Variants in TSNARE1 observed in about 807,000 individuals in gnomAD.
TSNARE1 encodes t-SNARE domain-containing protein 1.
Under a neutral mutation model 62.0 loss-of-function variants are expected in TSNARE1, and 49 were observed. The ratio of observed to expected loss-of-function variants is 0.79; its 90% CI spans 0.63 to 1.00. The LOEUF (loss-of-function observed/expected upper bound fraction) is 1.00. Ranked by LOEUF, TSNARE1 falls within the 50% of genes least tolerant of loss-of-function variation. The probability of loss-of-function intolerance (pLI) is 0.00; values close to 1 mark genes in which losing one functional copy is unlikely to be tolerated. For synonymous variants in TSNARE1, 328 were observed against 294.4 expected, an observed-to-expected ratio of 1.11 and a Z score of -1.17; for missense variants, 755 against 700.1, an observed-to-expected ratio of 1.08 and a Z score of -0.88.
intron 12 of TSNARE1, chr8:142,271,668 T>A: frequency 7.2e-7 from 1 of 1,392,884 alleles, no homozygotes; most frequent in Non-Finnish European, 9.3e-7. Flanking sequence ...CACAAGCAGC[T>A]GGGGGTCTCG....
intron 13 of TSNARE1, among the ~76,000 whole-genome samples, chr8:142,227,320 A>G (rs540706037): frequency 2.3e-4 from 29 of 126,526 alleles, no homozygotes; most frequent in African/African-American, 1.5e-3. Flanking sequence ...CCTGCCCACA[A>G]CTCCAGTGAT....
intron 1 of TSNARE1, among the ~76,000 whole-genome samples, chr8:142,373,398 C>T (rs1352754614): frequency 1.3e-5 from 2 of 152,148 alleles, no homozygotes; most frequent in Non-Finnish European, 2.9e-5. Context: ...GGAAAACACC[C>T]ACAGGGAAGG....
At chr8:142,256,208 TCACCATCACCATCACTATCACCACCAC>T (rs1818531708) in intron 12 of TSNARE1, among the ~76,000 whole-genome samples, 2 of 33,524 alleles carry the variant, frequency 6.0e-5, no homozygotes, top group African/African-American at 2.5e-4. Flanking sequence ...ACCACCACTG[TCACCATCACCATCACTATCACCACCAC>T]CACCATCACC....
intron 12 of TSNARE1, among the ~76,000 whole-genome samples, chr8:142,233,653 C>T (rs1817236790): frequency 6.6e-6 from 1 of 152,202 alleles, no homozygotes; most frequent in Non-Finnish European, 1.5e-5. Context: ...CCTCAGGAGG[C>T]TGAGCCCCTC....
At chr8:142,215,183 C>T (rs146302894) in intron 13 of TSNARE1, among the ~76,000 whole-genome samples, 19 of 152,344 alleles carry the variant, frequency 1.2e-4, no homozygotes, top group South Asian at 2.1e-4. Flanking sequence ...GTGATGTGCA[C>T]GGCTGTTTCC....
chr8:142,226,828 C>G (rs1816798045), intron 13 of TSNARE1, among the ~76,000 whole-genome samples: 1 of 152,126 alleles, frequency 6.6e-6, no homozygotes, highest in African/African-American at 2.4e-5. Flanking sequence ...TCAAAGGCCC[C>G]TTCCCTTCCT....
intron 6 of TSNARE1, among the ~76,000 whole-genome samples, chr8:142,320,561 C>T (rs1451574778): frequency 1.3e-5 from 2 of 152,204 alleles, no homozygotes; most frequent in African/African-American, 4.8e-5. Context: ...GTACCTGCAA[C>T]TTCACCTCCC....
intron 1 of TSNARE1, among the ~76,000 whole-genome samples, chr8:142,368,232 T>C (rs774396802): frequency 2.7e-5 from 4 of 149,764 alleles, no homozygotes; most frequent in Admixed American, 6.6e-5. Flanking sequence ...CCTTAACATA[T>C]AAAGAGCTCA....
intron 10 of TSNARE1, among the ~76,000 whole-genome samples, chr8:142,296,655 G>A (rs571153970): frequency 1.1e-4 from 17 of 152,068 alleles, no homozygotes; most frequent in Admixed American, 8.5e-4. Context: ...CGTGGGAGGC[G>A]GACAGGGGGC....
Position 142,245,570 on chromosome 8 carries a change from C to T in TSNARE1, c.1447-15991G>A, listed in dbSNP as rs1030860386. Among the ~76,000 whole-genome samples the T allele has an allele frequency of 4.6e-5, 7 of 152,242 alleles. No individual in the cohort carries two copies. The East Asian group carries it at 1.3e-3, about 29-fold the overall frequency. On this transcript the variant is annotated intron_variant, in intron 12 of 13. Coordinates refer to ENST00000524325, the MANE Select transcript of TSNARE1 (RefSeq NM_145003.5). ...ACAAAAGGCCAGTCTCAGAAGAATA[C>T]TAATAGTATGGCTCAATTTTTAGGA...
At chr8:142,368,301 C>T (rs1835694136) in intron 1 of TSNARE1, among the ~76,000 whole-genome samples, 1 of 152,124 alleles carries the variant, frequency 6.6e-6, no homozygotes, top group African/African-American at 2.4e-5. Context: ...AGAAAATTTA[C>T]ACACACAGGA....
chr8:142,229,633 T>G (rs1285565229), intron 12 of TSNARE1, 54 bp from the exon 13 acceptor site: 6 of 1,551,578 alleles, frequency 3.9e-6, no homozygotes, highest in Non-Finnish European at 5.3e-6. Context: ...CCTCCCATCC[T>G]CAGGGGCATT....
intron 12 of TSNARE1, among the ~76,000 whole-genome samples, chr8:142,252,013 G>T (rs1386676547): frequency 7.8e-6 from 1 of 128,334 alleles, no homozygotes; most frequent in Non-Finnish European, 1.7e-5. Flanking sequence ...TTCTCTATCT[G>T]CAGGGCCCGG....
rs182952652 is a variant in TSNARE1 at position 142,261,386 on chromosome 8, G to C, written c.1446+13395C>G. ...GAGGGAGGAGGGATGGAGGAGAGAG[G>C]GGGGAGGGAGGGATAGTGGGAGGAG... On this transcript the variant is annotated intron_variant, in intron 12 of 13. Coordinates refer to ENST00000524325, the MANE Select transcript of TSNARE1 (RefSeq NM_145003.5). Among the ~76,000 whole-genome samples the C allele has an allele frequency of 2.7e-3, 375 of 141,372 alleles. 3 individuals carry two copies. Among genetic ancestry groups the C allele is most frequent in the African/African-American group, 8.6e-3 (327 of 37,884 alleles). 92.7% of individuals were successfully genotyped at this position (141,372 alleles called of 152,430 possible).
chr8:142,235,754 C>T (rs996033582), intron 12 of TSNARE1, among the ~76,000 whole-genome samples: 2 of 152,128 alleles, frequency 1.3e-5, no homozygotes, highest in African/African-American at 2.4e-5. Context: ...AAGGCGGCAG[C>T]GGGTGAGAGC....
intron 11 of TSNARE1, among the ~76,000 whole-genome samples, chr8:142,279,270 G>A (rs117585130): frequency 1.1e-4 from 17 of 152,362 alleles, no homozygotes; most frequent in South Asian, 2.1e-4. Flanking sequence ...AGGGCTGCCC[G>A]TGGAGAGGAA....
chr8:142,298,124 G>A (rs1825075932), intron 10 of TSNARE1, among the ~76,000 whole-genome samples: 1 of 152,230 alleles, frequency 6.6e-6, no homozygotes, highest in African/African-American at 2.4e-5. Context: ...TGGGTCCTCT[G>A]GTCTAGATGC....
At chr8:142,368,485 G>A (rs775830797) in intron 1 of TSNARE1, among the ~76,000 whole-genome samples, 5 of 152,188 alleles carry the variant, frequency 3.3e-5, no homozygotes, top group Non-Finnish European at 5.9e-5. Context: ...CAGCTGAAGC[G>A]TCAGGGCCAT....
chr8:142,216,788 C>A (rs892954943), intron 13 of TSNARE1, among the ~76,000 whole-genome samples: 1 of 152,220 alleles, frequency 6.6e-6, no homozygotes, highest in African/African-American at 2.4e-5. Flanking sequence ...TGGCACCGAC[C>A]CTGCCTGGTT....
Sources: allele counts gnomAD v4.1 joint callset (sites outside exome capture counted in the v4.1 genomes callset), GRCh38; gene constraint gnomAD v4.1.1; transcripts MANE v1.5; gene names NCBI Gene and HGNC (gene_info 2026-07-23, HGNC 2026-07-21).